Variants in URI1 observed in about 807,000 individuals in gnomAD.
URI1 encodes URI1 prefoldin like chaperone.
URI1 carries 39 observed loss-of-function variants against 60.2 expected under a neutral mutation model. The ratio of observed to expected loss-of-function variants is 0.65; its 90% CI spans 0.50 to 0.85. The LOEUF is 0.85. Among genes scored for constraint, URI1 ranks in the 40% least tolerant of loss-of-function variants. The pLI is 0.00. For synonymous variants in URI1, 251 were observed against 236.8 expected, an observed-to-expected ratio of 1.06 and a Z score of -0.55; for missense variants, 691 against 665.9, an observed-to-expected ratio of 1.04 and a Z score of -0.42.
rs147530011 is a variant in URI1, at chr19:30,008,601, A to G, written c.687-404A>G. Reference sequence around the variant, plus strand: ...TTATTTTTAAAAATTACAATAATACATGCTCATTGTAAAATATTCTGAGTA... The same window carrying G: ...TTATTTTTAAAAATTACAATAATACGTGCTCATTGTAAAATATTCTGAGTA... On this transcript the variant is annotated intron_variant, in intron 7 of 10. Coordinates refer to ENST00000392271, the MANE Select transcript of URI1 (RefSeq NM_003796.3). Among the ~76,000 whole-genome samples, 517 of 152,210 alleles carry G rather than the reference A, an allele frequency of 3.4e-3. 5 individuals carry two copies. Among genetic ancestry groups the G allele is most frequent in the African/African-American group, 0.012 (502 of 41,576 alleles).
chr19:29,966,285 T>C (rs1362717401), intron 1 of URI1, among the ~76,000 whole-genome samples: 1 of 152,076 alleles, frequency 6.6e-6, no homozygotes, highest in African/African-American at 2.4e-5. Flanking sequence ...ATTACAGGCA[T>C]GCACCACCAC....
At chr19:29,945,804 T>G (rs1428943989) in intron 1 of URI1, among the ~76,000 whole-genome samples, 3 of 152,196 alleles carry the variant, frequency 2.0e-5, no homozygotes, top group Non-Finnish European at 4.4e-5. Flanking sequence ...AAAACACCAT[T>G]GTTTTAAAAG....
At chr19:29,955,037 C>T (rs2055227201) in intron 1 of URI1, among the ~76,000 whole-genome samples, 1 of 151,020 alleles carries the variant, frequency 6.6e-6, no homozygotes, top group Admixed American at 6.6e-5. Flanking sequence ...TGGAGTCTCG[C>T]TCTGTTGCTC....
chr19:30,009,499 A>G, intron 8 of URI1, 146 bp downstream of exon 8: 3 of 831,576 alleles, frequency 3.6e-6, no homozygotes, highest in South Asian at 4.0e-5. Context: ...GTTCTGACCA[A>G]TTTAAGAAGA....
At chr19:29,992,600 A>G (rs1255409853) in intron 4 of URI1, among the ~76,000 whole-genome samples, 2 of 152,184 alleles carry the variant, frequency 1.3e-5, no homozygotes, top group Non-Finnish European at 2.9e-5. Flanking sequence ...GGAACTTCTT[A>G]AAGTATTTTT....
rs112922102 is a variant in URI1 at position 29,985,382 on chromosome 19, G to A, written c.231+81G>A. 85 of 1,209,262 alleles carry A rather than the reference G, an allele frequency of 7.0e-5. No homozygotes were observed. The African/African-American group carries it at 1.0e-3, about 14-fold the overall frequency. 74.9% of individuals were successfully genotyped at this position (1,209,262 alleles called of 1,614,324 possible). ...TATGTGTCGGTTCACAGAATGTCAGGCTGATGGACTGTGTCCAAGGTAACT... is the reference window on the plus strand; with the variant it reads ...TATGTGTCGGTTCACAGAATGTCAGACTGATGGACTGTGTCCAAGGTAACT... On this transcript the variant is annotated intron_variant, in intron 3 of 10. Coordinates refer to ENST00000392271, the MANE Select transcript of URI1 (RefSeq NM_003796.3).
intron 4 of URI1, among the ~76,000 whole-genome samples, chr19:29,991,018 T>TA (rs2055739500): frequency 2.0e-5 from 3 of 152,182 alleles, no homozygotes. Context: ...TAGTGTTCCT[T>TA]ACAGTGTTCC....
At chr19:29,956,234 G>A (rs1599671628) in intron 1 of URI1, 7 of 495,106 alleles carry the variant, frequency 1.4e-5, no homozygotes, top group South Asian at 2.3e-5. Context: ...ACCTGTCTTC[G>A]GCCTCCCAAA....
intron 4 of URI1, among the ~76,000 whole-genome samples, chr19:29,999,170 G>A (rs899737169): frequency 6.6e-6 from 1 of 151,886 alleles, no homozygotes; most frequent in African/African-American, 2.4e-5. Context: ...CCAGTGATGT[G>A]TATTCATTTT....
rs1442556901 is a variant in URI1, at chr19:30,016,556, T to C, written c.*1487T>C. 1 of 152,154 alleles carries C rather than the reference T, an allele frequency of 6.6e-6. No homozygotes were observed. The highest frequency in any genetic ancestry group is 1.5e-5 in the Non-Finnish European group (1 of 67,982). 9.4% of individuals were successfully genotyped at this position (152,154 alleles called of 1,614,324 possible). A position where few individuals can be genotyped will look rare whatever the true frequency, so the allele number is the denominator to read the frequency against. On this transcript the variant is annotated 3_prime_UTR_variant, in exon 11 of 11. Coordinates refer to ENST00000392271, the MANE Select transcript of URI1 (RefSeq NM_003796.3). ...TTACTGTAGGACTATTGTGGTGTTC[T>C]TAACAGATTTGTAATTTCAAGATGC... is the stretch of plus-strand genomic sequence containing the variant.
intron 1 of URI1, among the ~76,000 whole-genome samples, chr19:29,926,552 G>T (rs1243901020): frequency 2.6e-5 from 4 of 152,158 alleles, no homozygotes; most frequent in Non-Finnish European, 2.9e-5. Flanking sequence ...AAAGTGCTGG[G>T]ATTGCAGGCA....
chr19:29,942,696 C>A, intron 1 of URI1, 32 bp downstream of exon 1: 1 of 1,361,690 alleles, frequency 7.3e-7, no homozygotes, highest in East Asian at 2.9e-5. Context: ...CTTCCGCCTC[C>A]GCCCGCCGGG....
intron 1 of URI1, among the ~76,000 whole-genome samples, chr19:29,947,162 G>GT (rs1387134689): frequency 6.6e-6 from 1 of 152,204 alleles, no homozygotes; most frequent in South Asian, 2.1e-4. Flanking sequence ...CCAGATCATT[G>GT]TAAGAGTTTT....
At chr19:29,978,347 C>T (rs1235334717) in intron 2 of URI1, among the ~76,000 whole-genome samples, 2 of 152,176 alleles carry the variant, frequency 1.3e-5, no homozygotes, top group Non-Finnish European at 1.5e-5. Context: ...TGGTTTGGTT[C>T]AGTTTCCCAT....
intron 1 of URI1, among the ~76,000 whole-genome samples, chr19:29,928,437 C>T (rs2054889204): frequency 6.6e-6 from 1 of 152,124 alleles, no homozygotes; most frequent in Admixed American, 6.6e-5. Flanking sequence ...CACGAAACGC[C>T]CCTTTCCTTT....
At chr19:29,992,758 A>G (rs2145397403) in intron 4 of URI1, among the ~76,000 whole-genome samples, 1 of 152,344 alleles carries the variant, frequency 6.6e-6, no homozygotes, top group East Asian at 1.9e-4. Context: ...ACTAAGTGAA[A>G]AGACCAGGAT....
chr19:30,009,473 T>A (rs1396518218), intron 8 of URI1, 120 bp downstream of exon 8: 5 of 1,021,686 alleles, frequency 4.9e-6, no homozygotes, highest in Non-Finnish European at 7.0e-6. Context: ...GACAGGAAAA[T>A]CATCTTTTGC....
Position 30,009,335 on chromosome 19 carries a change from T to C in URI1, c.1017T>C (p.His339=), listed in dbSNP as rs774318127. 1.2e-6 allele frequency: 2 copies of C among 1,613,774 alleles called. No homozygotes were observed. The change falls in exon 8 of 11, where the codon CAT becomes CAC. Residue 339 remains histidine, a synonymous_variant. Transcript: ENST00000392271. ...DNSIPTIYFS[H]TVEPKRVRIN... The stretch of plus-strand genomic sequence containing the variant: ...CTATACCAACAATATATTTTTCACA[T>C]ACTGTTGAGCCTAAGAGGGTTTGTA...
In URI1 at chr19:30,012,288, C is replaced by T; in HGVS notation, c.1182C>T (p.Ala394=). The change falls in exon 10 of 11, where the codon GCC becomes GCT. Residue 394 remains alanine, a synonymous_variant. Transcript: ENST00000392271. The part of the protein sequence containing the change: ...TIRTPADIYR[A]FVDVVNGEYV... The stretch of plus-strand genomic sequence containing the variant: ...ATATGTGTTTTGAATATCACAGAGC[C>T]TTTGTTGATGTTGTGAATGGAGAAT... The T allele has an allele frequency of 6.2e-7, 1 of 1,612,372 alleles. No homozygotes were observed. The highest frequency in any genetic ancestry group is 8.5e-7 in the Non-Finnish European group (1 of 1,178,664).
Sources: allele counts gnomAD v4.1 joint callset (sites outside exome capture counted in the v4.1 genomes callset), GRCh38; gene constraint gnomAD v4.1.1; transcripts MANE v1.5; gene names NCBI Gene and HGNC (gene_info 2026-07-23, HGNC 2026-07-21).